GALNT14: variants seen among roughly 807,000 people sequenced by gnomAD.
GALNT14 encodes the protein polypeptide N-acetylgalactosaminyltransferase 14.
GALNT14 carries 60 observed loss-of-function variants against 77.5 expected under a neutral mutation model. The observed-to-expected ratio is 0.77, with a 90% confidence interval of 0.63 to 0.96. GALNT14 has a LOEUF of 0.96. GALNT14 is among the 40% of genes least tolerant of loss of function. GALNT14 has a pLI of 0.00. For synonymous variants in GALNT14, 280 were observed against 281.7 expected, an observed-to-expected ratio of 0.99 and a Z score of 0.06; for missense variants, 710 against 731.0, an observed-to-expected ratio of 0.97 and a Z score of 0.33.
chr2:31,138,134 C>T lies in GALNT14; in HGVS notation c.-48G>A. ...CCGCGGCGCTACGTCCCGGGGGCAC[C>T]CCCCGGCGGTCAGGGTTGGCGGGGC... On this transcript the variant is annotated 5_prime_UTR_variant, in exon 1 of 15. Transcript: ENST00000349752. 1.9e-6 allele frequency: 3 copies of T among 1,612,310 alleles called. No homozygotes were observed. Among genetic ancestry groups the T allele is most frequent in the Non-Finnish European group, 2.5e-6 (3 of 1,179,212 alleles).
intron 1 of GALNT14, among the ~76,000 whole-genome samples, chr2:31,025,718 C>T (rs1472570675): frequency 6.6e-6 from 1 of 152,134 alleles, no homozygotes; most frequent in Non-Finnish European, 1.5e-5. Flanking sequence ...AGAAACAGAA[C>T]CAACAGGGTA....
Position 30,911,068 on chromosome 2 carries a change from AC to A in GALNT14, c.1501-10del. The A allele has an allele frequency of 6.2e-7, 1 of 1,613,048 alleles. No homozygotes were observed. Among genetic ancestry groups the A allele is most frequent in the Non-Finnish European group, 8.5e-7 (1 of 1,179,404 alleles). ...CCAGTTTTGGTCCATTGCTGGTAAGACAAAGAAGAGAGTGAATGAACTAGGT... is the reference window on the plus strand; with the variant it reads ...CCAGTTTTGGTCCATTGCTGGTAAGAAAAGAAGAGAGTGAATGAACTAGGT... On this transcript the variant is annotated splice_polypyrimidine_tract_variant and intron_variant, in intron 14 of 14. Transcript: ENST00000349752.
chr2:31,127,300 T>C (rs537380263), intron 1 of GALNT14, among the ~76,000 whole-genome samples: 7 of 152,356 alleles, frequency 4.6e-5, no homozygotes, highest in East Asian at 1.9e-4. Context: ...GGGTCAAATC[T>C]GGCCTGCCAC....
intron 1 of GALNT14, among the ~76,000 whole-genome samples, chr2:31,053,495 T>C (rs911285621): frequency 4.9e-5 from 7 of 143,670 alleles, no homozygotes; most frequent in African/African-American, 1.5e-4. Context: ...CCGATAGCCA[T>C]GGTTCAGATC....
chr2:31,114,695 C>G (rs1184175713), intron 1 of GALNT14: 1 of 705,398 alleles, frequency 1.4e-6, no homozygotes, highest in Non-Finnish European at 2.6e-6. Flanking sequence ...GAAAAAGGAA[C>G]AAATACAAAA....
chr2:31,060,476 G>A (rs1674521706), intron 1 of GALNT14, among the ~76,000 whole-genome samples: 1 of 152,216 alleles, frequency 6.6e-6, no homozygotes, highest in Non-Finnish European at 1.5e-5. Context: ...AATAGGGGAA[G>A]GCAATTCCAT....
intron 3 of GALNT14, 76 bp downstream of exon 3, chr2:30,966,128 G>A (rs1295939451): frequency 1.8e-6 from 2 of 1,102,014 alleles, no homozygotes; most frequent in African/African-American, 3.1e-5. Context: ...GTACAGCGCT[G>A]GGCACCTGGG....
At chr2:30,889,424 C>G in the GALNT14 span, among the ~76,000 whole-genome samples, 1 of 152,194 alleles carries the variant, frequency 6.6e-6, no homozygotes, top group South Asian at 2.1e-4. Flanking sequence ...GCCAGCCCAC[C>G]AACAACCCAG....
At chr2:30,916,714 AC>A in intron 13 of GALNT14, among the ~76,000 whole-genome samples, 1 of 152,194 alleles carries the variant, frequency 6.6e-6, no homozygotes, top group African/African-American at 2.4e-5. Context: ...CAGACGGGCC[AC>A]AGCACCCAGC....
At chr2:31,109,625 C>G (rs562459299) in intron 1 of GALNT14, among the ~76,000 whole-genome samples, 1 of 152,198 alleles carries the variant, frequency 6.6e-6, no homozygotes, top group Non-Finnish European at 1.5e-5. Context: ...CTGGCCCCAC[C>G]GTCCTGCGGC....
chr2:30,967,326 TC>T (rs1668071784), intron 2 of GALNT14, among the ~76,000 whole-genome samples: 1 of 152,190 alleles, frequency 6.6e-6, no homozygotes, highest in African/African-American at 2.4e-5. Flanking sequence ...CTCAAGAAAG[TC>T]TGTGGCCTAA....
intron 1 of GALNT14, among the ~76,000 whole-genome samples, chr2:31,122,124 C>T (rs1226771737): frequency 2.0e-5 from 3 of 152,128 alleles, no homozygotes; most frequent in Non-Finnish European, 4.4e-5. Context: ...GTGGGTGTCC[C>T]AGAAGGTAGC....
intron 1 of GALNT14, among the ~76,000 whole-genome samples, chr2:31,091,467 C>T (rs1676733140): frequency 6.6e-6 from 1 of 152,114 alleles, no homozygotes; most frequent in African/African-American, 2.4e-5. Context: ...TTGCCAACTC[C>T]TGATAGAGAT....
chr2:31,129,018 G>A (rs1354846947), intron 1 of GALNT14, among the ~76,000 whole-genome samples: 1 of 151,128 alleles, frequency 6.6e-6, no homozygotes, highest in Non-Finnish European at 1.5e-5. Flanking sequence ...CAGAGGGAGG[G>A]CATCTTTTCT....
At chr2:30,941,746 C>T (rs1043773127) in intron 9 of GALNT14, among the ~76,000 whole-genome samples, 1 of 152,210 alleles carries the variant, frequency 6.6e-6, no homozygotes, top group Non-Finnish European at 1.5e-5. Flanking sequence ...ATCAAAGAAG[C>T]CAACAGACTT....
At chr2:30,942,161 A>G (rs1666412412) in intron 9 of GALNT14, 40 bp downstream of exon 9, 1 of 1,448,460 alleles carries the variant, frequency 6.9e-7, no homozygotes, top group Non-Finnish European at 9.7e-7. Context: ...CCCAGGGTGT[A>G]TAGAACAGCA....
intron 1 of GALNT14, among the ~76,000 whole-genome samples, chr2:31,035,646 C>T (rs1672694553): frequency 8.4e-6 from 1 of 119,356 alleles, no homozygotes; most frequent in Admixed American, 9.7e-5. Flanking sequence ...CACACACACA[C>T]ACACACACAC....
intron 1 of GALNT14, among the ~76,000 whole-genome samples, chr2:31,106,959 A>T (rs985491891): frequency 1.3e-5 from 2 of 152,196 alleles, no homozygotes; most frequent in Non-Finnish European, 2.9e-5. Context: ...GACTAGAAAG[A>T]GGCACATGGA....
intron 1 of GALNT14, among the ~76,000 whole-genome samples, chr2:31,022,403 A>G (rs919345050): frequency 6.6e-6 from 1 of 152,170 alleles, no homozygotes; most frequent in Non-Finnish European, 1.5e-5. Flanking sequence ...TGGGCTGAGT[A>G]TTATGGACCT....
Sources: gnomAD v4.1 joint callset for allele counts (sites outside exome capture counted in the v4.1 genomes callset) on GRCh38, gnomAD v4.1.1 for gene constraint, MANE v1.5 for transcripts, NCBI Gene and HGNC (gene_info 2026-07-23, HGNC 2026-07-21) for gene names.